The following AOAH variants were observed in gnomAD, a reference collection of about 807,000 sequenced individuals.
AOAH encodes acyloxyacyl hydrolase, also known as acyloxyacyl hydrolase (neutrophil).
A neutral mutation model predicts 92.2 loss-of-function variants in AOAH; 64 were observed. The observed-to-expected ratio is 0.69, with a 90% CI of 0.57 to 0.86. AOAH has a LOEUF of 0.86. Among genes scored for constraint, AOAH ranks in the 40% least tolerant of loss-of-function variants. The pLI is 0.00. For synonymous variants in AOAH, 263 were observed against 254.5 expected (o/e 1.03, Z -0.32); for missense variants, 656 against 694.6 (o/e 0.94, Z 0.62).
At chr7:36,563,517 C>T (rs115524007) in intron 13 of AOAH, among the ~76,000 whole-genome samples, 138 of 152,266 alleles carry the variant, frequency 9.1e-4, no homozygotes, top group African/African-American at 3.1e-3. Flanking sequence ...CAGAGTGCTC[C>T]AGCTATTCCA....
intron 15 of AOAH, 56 bp from the exon 16 acceptor site, chr7:36,540,547 A>G: frequency 1.4e-6 from 2 of 1,470,182 alleles, no homozygotes; most frequent in Non-Finnish European, 1.9e-6. Context: ...AGATGCATGC[A>G]AGTTGCACGC....
At chr7:36,529,901 GT>G (rs1400146095) in intron 19 of AOAH, among the ~76,000 whole-genome samples, 1 of 152,224 alleles carries the variant, frequency 6.6e-6, no homozygotes, top group Non-Finnish European at 1.5e-5. Context: ...CTTCCAGAAA[GT>G]TGGGACATGG....
intron 11 of AOAH, among the ~76,000 whole-genome samples, chr7:36,595,704 T>G (rs759250211): frequency 3.9e-5 from 6 of 152,220 alleles, no homozygotes; most frequent in Non-Finnish European, 8.8e-5. Flanking sequence ...TGACTGAGTA[T>G]CTTGTATTTT....
chr7:36,636,065 T>C (rs1341413788), intron 5 of AOAH, among the ~76,000 whole-genome samples: 3 of 152,218 alleles, frequency 2.0e-5, no homozygotes, highest in Non-Finnish European at 4.4e-5. Context: ...TGTGCTGAAA[T>C]GATATGGAAC....
chr7:36,579,584 CA>C (rs146335262), intron 12 of AOAH, among the ~76,000 whole-genome samples: 4,101 of 152,080 alleles, frequency 0.027, 190 homozygotes, highest in African/African-American at 0.094. Flanking sequence ...AGGCTGTAGG[CA>C]GGCTGAGGAG....
chr7:36,587,729 C>T (rs1262083876), intron 12 of AOAH, among the ~76,000 whole-genome samples: 2 of 152,262 alleles, frequency 1.3e-5, no homozygotes, highest in East Asian at 3.9e-4. Context: ...GCAAAGTTTT[C>T]AAAATTCAAA....
intron 3 of AOAH, among the ~76,000 whole-genome samples, chr7:36,659,471 C>G (rs1181673602): frequency 1.3e-5 from 2 of 152,132 alleles, no homozygotes; most frequent in African/African-American, 4.8e-5. Flanking sequence ...AGAATGAGGT[C>G]CTAAAGGCGA....
intron 2 of AOAH, among the ~76,000 whole-genome samples, chr7:36,675,650 T>A (rs1284014668): frequency 6.6e-6 from 1 of 152,232 alleles, no homozygotes; most frequent in East Asian, 1.9e-4. Context: ...AACTTATTTA[T>A]GAGGTTAATA....
intron 4 of AOAH, among the ~76,000 whole-genome samples, chr7:36,644,548 G>T (rs1486550406): frequency 2.0e-5 from 3 of 152,180 alleles, no homozygotes. Flanking sequence ...GTAGCGAACA[G>T]AGGATCCTCA....
chr7:36,530,376 G>A (rs1320231862), intron 19 of AOAH, 42 bp downstream of exon 19: 2 of 1,432,532 alleles, frequency 1.4e-6, no homozygotes, highest in South Asian at 1.1e-5. Context: ...TAAACTAGCT[G>A]CTGCTTTCAT....
intron 13 of AOAH, among the ~76,000 whole-genome samples, chr7:36,573,089 CAAAA>C (rs1788245319): frequency 6.6e-6 from 1 of 152,212 alleles, no homozygotes; most frequent in African/African-American, 2.4e-5. Context: ...GACCCAAATT[CAAAA>C]CCAGTCTACT....
At chr7:36,561,937 G>A (rs1056721141) in intron 13 of AOAH, among the ~76,000 whole-genome samples, 6 of 152,282 alleles carry the variant, frequency 3.9e-5, no homozygotes, top group Middle Eastern at 3.4e-3. Flanking sequence ...GCAATTGGCT[G>A]TGAAAAATTT....
intron 5 of AOAH, among the ~76,000 whole-genome samples, chr7:36,636,482 G>A (rs569500468): frequency 1.7e-4 from 26 of 152,312 alleles, no homozygotes; most frequent in African/African-American, 6.3e-4. Context: ...CAATTGTATT[G>A]TTCTCCATTT....
rs116143535 is a variant in AOAH at position 36,641,401 on chromosome 7, C to T, written c.391-3491G>A. ...TGTTCCCCCAATGACTCTCAGAGCT[C>T]CTGGGCAGGGGCTTCGGGCTCTGGG... is the stretch of plus-strand genomic sequence containing the variant. On this transcript the variant is annotated intron_variant, in intron 4 of 20. Transcript: ENST00000617537. 9.0e-3 allele frequency among the ~76,000 whole-genome samples: 1,371 copies of T among 152,252 alleles called. 20 individuals carry two copies. The highest frequency in any genetic ancestry group is 0.031 in the African/African-American group (1,282 of 41,526).
intron 1 of AOAH, among the ~76,000 whole-genome samples, chr7:36,690,457 A>C (rs1246495415): frequency 6.6e-6 from 1 of 152,170 alleles, no homozygotes; most frequent in African/African-American, 2.4e-5. Context: ...GTGTGCAGTG[A>C]GATGTGTTCT....
rs1054979782 is a variant in AOAH at position 36,614,193 on chromosome 7, T to G, written c.846+2187A>C. 2.0e-5 allele frequency among the ~76,000 whole-genome samples: 3 copies of G among 152,192 alleles called. No individual in the cohort carries two copies. Among genetic ancestry groups the G allele is most frequent in the Admixed American group, 2.0e-4 (3 of 15,280 alleles). On this transcript the variant is annotated intron_variant, in intron 11 of 20. Transcript: ENST00000617537. The surrounding 1 kb of genome is among the most constrained non-coding windows in gnomAD (Gnocchi z 4.2). ...AGGGCAGGGGCACCACCCCCTTCTC[T>G]AATGGACACGGTGGCTCTTGGGACG...
chr7:36,688,482 C>T (rs1168827037), intron 1 of AOAH, among the ~76,000 whole-genome samples: 2 of 151,794 alleles, frequency 1.3e-5, no homozygotes, highest in African/African-American at 4.8e-5. Flanking sequence ...TATTAGAGAG[C>T]TAAATAAATT....
chr7:36,567,214 A>G (rs1362565514), intron 13 of AOAH, among the ~76,000 whole-genome samples: 3 of 152,216 alleles, frequency 2.0e-5, no homozygotes, highest in Non-Finnish European at 4.4e-5. Context: ...CTGAGGAGGC[A>G]AGAATTGAGG....
At chr7:36,647,161 A>T (rs1794275064) in intron 4 of AOAH, among the ~76,000 whole-genome samples, 1 of 152,232 alleles carries the variant, frequency 6.6e-6, no homozygotes, top group Admixed American at 6.5e-5. Flanking sequence ...GACATTAAAT[A>T]TTAATTTTAC....
Sources: gnomAD v4.1 joint callset for allele counts (sites outside exome capture counted in the v4.1 genomes callset) on GRCh38, gnomAD v4.1.1 for gene constraint, Gnocchi (gnomAD v3.1) non-coding constraint, MANE v1.5 for transcripts, NCBI Gene and HGNC (gene_info 2026-07-23, HGNC 2026-07-21) for gene names.